Variants in CFAP61 observed in about 807,000 individuals in gnomAD.
CFAP61 encodes cilia and flagella associated protein 61.
Under a neutral mutation model 135.6 loss-of-function variants are expected in CFAP61, and 107 were observed. The observed-to-expected ratio is 0.79, with a 90% CI of 0.67 to 0.93. The LOEUF is 0.93. CFAP61 is among the 40% of genes least tolerant of loss of function. The pLI, the probability that CFAP61 is intolerant of heterozygous loss-of-function variation, is 0.00. For missense variants in CFAP61, 1,507 were observed against 1,556.2 expected, an observed-to-expected ratio of 0.97 and a Z score of 0.53; for synonymous variants, 575 against 578.5, an observed-to-expected ratio of 0.99 and a Z score of 0.09.
chr20:20,168,135 A>T (rs2053966639), intron 12 of CFAP61, among the ~76,000 whole-genome samples: 1 of 152,152 alleles, frequency 6.6e-6, no homozygotes, highest in Non-Finnish European at 1.5e-5. Context: ...GCAATGTCAC[A>T]ATCATAGCTC....
At chr20:20,177,466 C>G (rs1271152427) in intron 13 of CFAP61, among the ~76,000 whole-genome samples, 1 of 151,752 alleles carries the variant, frequency 6.6e-6, no homozygotes, top group African/African-American at 2.4e-5. Context: ...CTGAAATTGA[C>G]GTCGATCACA....
chr20:20,304,233 G>A (rs2056297070), intron 25 of CFAP61, among the ~76,000 whole-genome samples: 1 of 150,370 alleles, frequency 6.7e-6, no homozygotes, highest in Admixed American at 6.6e-5. Context: ...CAAACCATTG[G>A]CACTGAAGAG....
At chr20:20,116,610 A>G (rs1207841338) in intron 8 of CFAP61, among the ~76,000 whole-genome samples, 1 of 152,102 alleles carries the variant, frequency 6.6e-6, no homozygotes, top group Non-Finnish European at 1.5e-5. Context: ...ATTTTTGTGT[A>G]TGGTGAGAGG....
intron 26 of CFAP61, among the ~76,000 whole-genome samples, chr20:20,358,414 C>A (rs1351206272): frequency 2.0e-5 from 3 of 152,096 alleles, no homozygotes; most frequent in Non-Finnish European, 2.9e-5. Flanking sequence ...GCTATTTAAC[C>A]CAGTGTCAGA....
chr20:20,308,248 G>A (rs761763512), intron 25 of CFAP61, among the ~76,000 whole-genome samples: 19 of 152,258 alleles, frequency 1.2e-4, no homozygotes, highest in Middle Eastern at 3.4e-3. Context: ...ATGAACAGTC[G>A]TTCCCTAAAA....
chr20:20,156,859 T>C lies in CFAP61; in HGVS notation c.952-2511T>C, dbSNP rs553684070. Among the ~76,000 whole-genome samples the C allele has an allele frequency of 2.0e-5, 3 of 152,308 alleles. No individual in the cohort carries two copies. The South Asian group carries it at 6.2e-4, about 32-fold the overall frequency. ...TGAGAGAAATTAAAGAAGACCTAAA[T>C]ACATGGAGAGATATTCTATGTTCGT... On this transcript the variant is annotated intron_variant, in intron 9 of 26. Coordinates refer to ENST00000245957, the MANE Select transcript of CFAP61 (RefSeq NM_015585.4).
Position 20,108,698 on chromosome 20 carries a change from T to C in CFAP61, c.859+9884T>C, listed in dbSNP as rs182090987. ...CCTATATTTTTTAAAATGTGGAAACTATTAAATCTACAGAAAAGTTGCAGA... is the reference window on the plus strand; with the variant it reads ...CCTATATTTTTTAAAATGTGGAAACCATTAAATCTACAGAAAAGTTGCAGA... On this transcript the variant is annotated intron_variant, in intron 8 of 26. Transcript: ENST00000245957. Among the ~76,000 whole-genome samples the C allele has an allele frequency of 5.9e-5, 9 of 152,324 alleles. No individual in the cohort carries two copies. The East Asian group carries it at 1.7e-3, about 29-fold the overall frequency.
intron 6 of CFAP61, among the ~76,000 whole-genome samples, chr20:20,088,109 G>C (rs2046934676): frequency 6.6e-6 from 1 of 152,154 alleles, no homozygotes; most frequent in Non-Finnish European, 1.5e-5. Context: ...TTTGTTTCTG[G>C]CTTCCTGTTT....
intron 26 of CFAP61, among the ~76,000 whole-genome samples, chr20:20,352,611 A>G (rs1226386421): frequency 6.6e-6 from 1 of 152,240 alleles, no homozygotes; most frequent in African/African-American, 2.4e-5. Flanking sequence ...AATAAATGGT[A>G]TTGGGAAAAT....
intron 25 of CFAP61, among the ~76,000 whole-genome samples, chr20:20,334,340 T>C (rs2058099758): frequency 6.6e-6 from 1 of 152,308 alleles, no homozygotes; most frequent in Middle Eastern, 3.4e-3. Context: ...TTGGCCAGGC[T>C]GGTCTCGAAC....
chr20:20,279,714 T>C (rs1172209736), intron 22 of CFAP61, among the ~76,000 whole-genome samples: 1 of 152,194 alleles, frequency 6.6e-6, no homozygotes, highest in Non-Finnish European at 1.5e-5. Context: ...TGCTACATTT[T>C]CATCCTAACA....
At chr20:20,352,423 G>T (rs935845753) in intron 26 of CFAP61, among the ~76,000 whole-genome samples, 1 of 152,124 alleles carries the variant, frequency 6.6e-6, no homozygotes, top group Non-Finnish European at 1.5e-5. Context: ...ATTACAAATT[G>T]AAATGAAATT....
chr20:20,327,790 A>C (rs1448090435), intron 25 of CFAP61, among the ~76,000 whole-genome samples: 2 of 80,124 alleles, frequency 2.5e-5, no homozygotes, highest in African/African-American at 1.3e-4. Context: ...AAAAAAAAAA[A>C]AAAAAAAAAA....
At chr20:20,086,453 T>C (rs1054386023) in intron 6 of CFAP61, among the ~76,000 whole-genome samples, 1 of 151,622 alleles carries the variant, frequency 6.6e-6, no homozygotes, top group Non-Finnish European at 1.5e-5. Context: ...TTGCTGAGAA[T>C]GATGGTTTCC....
chr20:20,302,518 T>G (rs1243551532), intron 25 of CFAP61, among the ~76,000 whole-genome samples: 1 of 152,144 alleles, frequency 6.6e-6, no homozygotes, highest in Non-Finnish European at 1.5e-5. Flanking sequence ...GAAAATTAAC[T>G]GGGTGTGGTG....
At chr20:20,171,056 A>G (rs2054182744) in intron 13 of CFAP61, among the ~76,000 whole-genome samples, 1 of 152,220 alleles carries the variant, frequency 6.6e-6, no homozygotes. Context: ...TCCACACAGC[A>G]GAAAGTGGCA....
chr20:20,267,567 G>A (rs1289141852), intron 21 of CFAP61: 1 of 152,404 alleles, frequency 6.6e-6, no homozygotes, highest in Non-Finnish European at 1.5e-5. Context: ...CACCCTTGCT[G>A]CATGTGGTGG....
intron 24 of CFAP61, among the ~76,000 whole-genome samples, chr20:20,293,810 G>T (rs1425945895): frequency 6.6e-6 from 1 of 152,152 alleles, no homozygotes; most frequent in Non-Finnish European, 1.5e-5. Flanking sequence ...TACCATGGAA[G>T]AAAGAAATTT....
intron 8 of CFAP61, among the ~76,000 whole-genome samples, chr20:20,125,414 T>C (rs960482517): frequency 6.6e-6 from 1 of 151,768 alleles, no homozygotes; most frequent in Non-Finnish European, 1.5e-5. Context: ...TGATAGGTTG[T>C]ATCATTATTG....
Sources: allele counts gnomAD v4.1 joint callset (sites outside exome capture counted in the v4.1 genomes callset), GRCh38; gene constraint gnomAD v4.1.1; transcripts MANE v1.5; gene names NCBI Gene and HGNC (gene_info 2026-07-23, HGNC 2026-07-21).